Variants in CNTN5 observed in about 807,000 individuals in gnomAD.
CNTN5 encodes contactin-5.
A neutral mutation model predicts 129.1 loss-of-function variants in CNTN5; 77 were observed. The observed-to-expected ratio is 0.60, with a 90% CI of 0.50 to 0.72. CNTN5 has a LOEUF of 0.72. CNTN5 is among the 30% of genes least tolerant of loss of function. CNTN5 has a pLI of 0.00. For synonymous variants in CNTN5, 509 were observed against 465.6 expected, an observed-to-expected ratio of 1.09 and a Z score of -1.20; for missense variants, 1,478 against 1,328.8, an observed-to-expected ratio of 1.11 and a Z score of -1.75.
intron 8 of CNTN5, among the ~76,000 whole-genome samples, chr11:99,980,957 T>A (rs1190784275): frequency 6.6e-6 from 1 of 151,368 alleles, no homozygotes. Flanking sequence ...ATTAAAGGGT[T>A]AATCTATTTT....
At chr11:99,896,685 C>T (rs1449948741) in intron 6 of CNTN5, among the ~76,000 whole-genome samples, 1 of 152,148 alleles carries the variant, frequency 6.6e-6, no homozygotes, top group African/African-American at 2.4e-5. Context: ...CACCCCCAGG[C>T]CAGTTCAGGA....
intron 2 of CNTN5, among the ~76,000 whole-genome samples, chr11:99,457,250 T>A (rs1944529597): frequency 6.6e-6 from 1 of 152,000 alleles, no homozygotes; most frequent in Admixed American, 6.6e-5. Flanking sequence ...AATATTTATG[T>A]AACCTCCCTC....
chr11:99,277,601 T>C (rs1863500025), intron 1 of CNTN5, among the ~76,000 whole-genome samples: 1 of 151,788 alleles, frequency 6.6e-6, no homozygotes, highest in South Asian at 2.1e-4. Context: ...CGTGTTTCTT[T>C]TTTTATCCTC....
intron 8 of CNTN5, among the ~76,000 whole-genome samples, chr11:99,960,781 T>G (rs1314982486): frequency 6.6e-6 from 1 of 151,850 alleles, no homozygotes; most frequent in Non-Finnish European, 1.5e-5. Context: ...GGAGAGAGTA[T>G]GAAATGAGAA....
chr11:99,422,518 T>TTA (rs71046684), intron 2 of CNTN5, among the ~76,000 whole-genome samples: 19 of 83,318 alleles, frequency 2.3e-4, no homozygotes, highest in African/African-American at 6.5e-4. Flanking sequence ...CTTTATATTT[T>TTA]TATATATATA....
intron 15 of CNTN5, among the ~76,000 whole-genome samples, chr11:100,209,280 C>G (rs189066810): frequency 3.3e-5 from 5 of 152,042 alleles, no homozygotes; most frequent in Admixed American, 1.3e-4. Flanking sequence ...TAGGAGATAG[C>G]CTTTCAAAAA....
intron 18 of CNTN5, among the ~76,000 whole-genome samples, chr11:100,273,554 T>C (rs1950446762): frequency 6.6e-6 from 1 of 152,074 alleles, no homozygotes; most frequent in South Asian, 2.1e-4. Flanking sequence ...CCCTCCAGCT[T>C]GCAGAGCAGA....
intron 21 of CNTN5, among the ~76,000 whole-genome samples, chr11:100,315,451 G>C (rs951339320): frequency 6.6e-6 from 1 of 152,164 alleles, no homozygotes; most frequent in Non-Finnish European, 1.5e-5. Flanking sequence ...TTTTGCAAAA[G>C]ACAAGGTCAG....
Position 99,097,645 on chromosome 11 carries a change from A to G in CNTN5, c.-210+76375A>G, listed in dbSNP as rs192903465. 2.0e-5 allele frequency among the ~76,000 whole-genome samples: 3 copies of G among 152,070 alleles called. No individual in the cohort carries two copies. The East Asian group carries it at 5.8e-4, about 29-fold the overall frequency. ...AGGTGAATTAATATTAGAATGCTTCACCAAAACCTTTATATCTATTTTTGA... is the reference window on the plus strand; with the variant it reads ...AGGTGAATTAATATTAGAATGCTTCGCCAAAACCTTTATATCTATTTTTGA... On this transcript the variant is annotated intron_variant, in intron 1 of 24. Transcript: ENST00000524871.
chr11:99,681,266 A>T (rs939333149), intron 3 of CNTN5, among the ~76,000 whole-genome samples: 2 of 152,128 alleles, frequency 1.3e-5, no homozygotes, highest in African/African-American at 4.8e-5. Context: ...TGAAAGATTG[A>T]TTCCAATTCT....
chr11:100,121,135 C>A (rs979207354), intron 13 of CNTN5, among the ~76,000 whole-genome samples: 2 of 151,850 alleles, frequency 1.3e-5, no homozygotes, highest in Non-Finnish European at 2.9e-5. Flanking sequence ...AGCTTACATA[C>A]CATCTGGAGG....
At chr11:99,926,029 G>A (rs1950054405) in intron 7 of CNTN5, among the ~76,000 whole-genome samples, 1 of 152,074 alleles carries the variant, frequency 6.6e-6, no homozygotes, top group Admixed American at 6.6e-5. Flanking sequence ...TGTAGCGAAG[G>A]AATAATAAAA....
intron 1 of CNTN5, among the ~76,000 whole-genome samples, chr11:99,072,294 A>G (rs12420233): frequency 0.011 from 1,704 of 152,166 alleles, 34 homozygotes; most frequent in African/African-American, 0.038. Context: ...AAAAAAATAG[A>G]TAAGGTAATT....
chr11:99,307,874 T>G (rs2135961163), intron 1 of CNTN5, among the ~76,000 whole-genome samples: 1 of 152,300 alleles, frequency 6.6e-6, no homozygotes, highest in South Asian at 2.1e-4. Context: ...TTAGAAAGTA[T>G]GCAGACCTGC....
chr11:99,793,029 C>G (rs928816925), intron 3 of CNTN5, among the ~76,000 whole-genome samples: 5 of 151,384 alleles, frequency 3.3e-5, no homozygotes, highest in African/African-American at 1.2e-4. Flanking sequence ...ATTTTTTTGC[C>G]TGTATTAGTC....
chr11:99,216,953 G>A (rs1673947625), intron 1 of CNTN5, among the ~76,000 whole-genome samples: 1 of 152,136 alleles, frequency 6.6e-6, no homozygotes, highest in African/African-American at 2.4e-5. Flanking sequence ...GGGAGGCCGA[G>A]GCAGGCAAAT....
chr11:99,402,741 C>T (rs952255316), intron 2 of CNTN5, among the ~76,000 whole-genome samples: 1 of 152,068 alleles, frequency 6.6e-6, no homozygotes, highest in African/African-American at 2.4e-5. Flanking sequence ...CAGCTCTGAT[C>T]TTGTTAATTC....
chr11:99,566,228 T>G (rs1200626988), intron 3 of CNTN5, among the ~76,000 whole-genome samples: 1 of 152,074 alleles, frequency 6.6e-6, no homozygotes, highest in Non-Finnish European at 1.5e-5. Context: ...GTGTGGCACC[T>G]TCCCCCTCAC....
intron 1 of CNTN5, among the ~76,000 whole-genome samples, chr11:99,295,269 C>T (rs921817436): frequency 3.9e-5 from 6 of 152,262 alleles, no homozygotes; most frequent in Middle Eastern, 3.4e-3. Flanking sequence ...TTCATTAATC[C>T]CCTACAACTG....
Sources: allele counts gnomAD v4.1 joint callset (sites outside exome capture counted in the v4.1 genomes callset), GRCh38; gene constraint gnomAD v4.1.1; transcripts MANE v1.5; gene names NCBI Gene and HGNC (gene_info 2026-07-23, HGNC 2026-07-21).